Variants in CYSLTR2 observed in about 807,000 individuals in gnomAD.
CYSLTR2 encodes the protein cysteinyl leukotriene receptor 2.
For missense variants in CYSLTR2, 398 were observed against 411.9 expected (o/e 0.97, Z 0.29); for synonymous variants, 179 against 160.8 (o/e 1.11, Z -0.86).
At position 48,711,033 on chromosome 13, in the gene CYSLTR2, A is replaced by G. The variant is rs1225804400; in HGVS notation, c.*3175A>G. On this transcript the variant is annotated 3_prime_UTR_variant, in exon 5 of 5. Transcript: ENST00000682523. The stretch of plus-strand genomic sequence containing the variant: ...GAAAATGATGAATAGCTGTACAACC[A>G]TATTATTTAGCAATAGGAGGTAAAT... 6.6e-6 allele frequency: 1 copy of G among 152,120 alleles called. No individual in the cohort carries two copies. The highest frequency in any genetic ancestry group is 6.5e-5 in the Admixed American group (1 of 15,270). 9.4% of individuals were successfully genotyped at this position (152,120 alleles called of 1,614,324 possible). A position where few individuals can be genotyped will look rare whatever the true frequency, so the allele number is the denominator to read the frequency against.
intron 1 of CYSLTR2, among the ~76,000 whole-genome samples, chr13:48,670,925 C>G (rs1425120482): frequency 6.6e-6 from 1 of 152,154 alleles, no homozygotes; most frequent in East Asian, 1.9e-4. Context: ...GAATGTTCTT[C>G]CATTTGTTTG....
chr13:48,700,222 A>G (rs1428453135), intron 4 of CYSLTR2, among the ~76,000 whole-genome samples: 1 of 152,238 alleles, frequency 6.6e-6, no homozygotes, highest in Non-Finnish European at 1.5e-5. Context: ...ACAACAAAAG[A>G]GAATTTTAGA....
intron 3 of CYSLTR2, among the ~76,000 whole-genome samples, chr13:48,695,425 T>C (rs1246858693): frequency 2.7e-5 from 4 of 146,816 alleles, no homozygotes; most frequent in Non-Finnish European, 6.0e-5. Flanking sequence ...CTCTCTCTCA[T>C]AGAGATAGGG....
At chr13:48,695,067 C>CTTTTTTTTTTTTTT (rs1278951741) in intron 3 of CYSLTR2, among the ~76,000 whole-genome samples, 1 of 83,698 alleles carries the variant, frequency 1.2e-5, no homozygotes, top group African/African-American at 4.4e-5. Context: ...CAGAACCTGG[C>CTTTTTTTTTTTTTT]ATTTTTTTTT....
rs1006877456 is a variant in CYSLTR2, at chr13:48,709,685, C to A, written c.*1827C>A. 6.6e-6 allele frequency: 1 copy of A among 152,108 alleles called. No individual in the cohort carries two copies. Among genetic ancestry groups the A allele is most frequent in the African/African-American group, 2.4e-5 (1 of 41,410 alleles). The allele number at this position is 152,108 out of a possible 1,614,324, so 9.4% of individuals were successfully genotyped here. A position where few individuals can be genotyped will look rare whatever the true frequency, so the allele number is the denominator to read the frequency against. ...GGGAAAGGCCGTAACATGAAAGGCA[C>A]CAACAAATAAATGTGAGAGTAGATA... is the stretch of plus-strand genomic sequence containing the variant. On this transcript the variant is annotated 3_prime_UTR_variant, in exon 5 of 5. Transcript: ENST00000682523.
intron 2 of CYSLTR2, among the ~76,000 whole-genome samples, chr13:48,692,815 A>G (rs1203505984): frequency 1.3e-5 from 2 of 151,442 alleles, no homozygotes; most frequent in Non-Finnish European, 3.0e-5. Flanking sequence ...CAGTTTCAAT[A>G]TATAAATATA....
chr13:48,679,163 C>T (rs1953680771), intron 1 of CYSLTR2, among the ~76,000 whole-genome samples: 1 of 152,080 alleles, frequency 6.6e-6, no homozygotes, highest in Non-Finnish European at 1.5e-5. Context: ...AACTTGGGGC[C>T]TTTGTAAATC....
intron 4 of CYSLTR2, chr13:48,706,614 C>T (rs1445333322): frequency 1.9e-6 from 1 of 522,172 alleles, no homozygotes; most frequent in Non-Finnish European, 3.4e-6. Context: ...ATTCTACATT[C>T]AAAAATCAGG....
rs201860597 is a variant in CYSLTR2, at chr13:48,707,573, C to G, written c.756C>G (p.Thr252=). 15 of 1,608,980 alleles carry G rather than the reference C, an allele frequency of 9.3e-6. No homozygotes were observed. Among genetic ancestry groups the G allele is most frequent in the Non-Finnish European group, 1.2e-5 (14 of 1,180,020 alleles). The change falls in exon 5 of 5, where the codon ACC becomes ACG. Residue 252 remains threonine, a synonymous_variant. Coordinates refer to ENST00000682523, the MANE Select transcript of CYSLTR2 (RefSeq NM_001308476.3). The stretch of plus-strand genomic sequence containing the variant: ...AGGCACTGACCACCATCATCATCAC[C>G]TTGATCATCTTCTTCTTGTGTTTCC... ...HRKALTTIII[T]LIIFFLCFLP... is the part of the protein sequence containing the mutation.
intron 3 of CYSLTR2, among the ~76,000 whole-genome samples, chr13:48,694,216 G>A (rs1954108138): frequency 6.6e-6 from 1 of 152,208 alleles, no homozygotes; most frequent in African/African-American, 2.4e-5. Context: ...AGATAAGACA[G>A]AGGAAGTCCT....
chr13:48,699,784 A>G (rs1954292307), intron 4 of CYSLTR2, among the ~76,000 whole-genome samples: 1 of 152,208 alleles, frequency 6.6e-6, no homozygotes, highest in African/African-American at 2.4e-5. Flanking sequence ...AGACTAATAA[A>G]GAAGAAAAGA....
At chr13:48,675,006 C>T (rs979101275) in intron 1 of CYSLTR2, among the ~76,000 whole-genome samples, 13 of 152,132 alleles carry the variant, frequency 8.5e-5, no homozygotes, top group African/African-American at 3.1e-4. Flanking sequence ...AGCTTTGTCC[C>T]AGAGGGACAC....
intron 1 of CYSLTR2, among the ~76,000 whole-genome samples, chr13:48,659,666 G>T (rs529311977): frequency 2.0e-5 from 3 of 152,234 alleles, no homozygotes; most frequent in African/African-American, 7.2e-5. Flanking sequence ...TGATCAATCC[G>T]TAGGGATTTA....
chr13:48,687,304 G>A (rs919087465), intron 1 of CYSLTR2, among the ~76,000 whole-genome samples: 1 of 151,960 alleles, frequency 6.6e-6, no homozygotes, highest in African/African-American at 2.4e-5. Context: ...ATAACTGTGT[G>A]AGCCAATTCC....
chr13:48,688,325 G>A lies in CYSLTR2; in HGVS notation c.-265-2887G>A, dbSNP rs551912924. ...CTACATGTGCAGGTTTGTTACATAGGTATGCAAAGGCCATGGTGGTTTGCT... is the reference window on the plus strand; with the variant it reads ...CTACATGTGCAGGTTTGTTACATAGATATGCAAAGGCCATGGTGGTTTGCT... On this transcript the variant is annotated intron_variant, in intron 1 of 4. Coordinates refer to ENST00000682523, the MANE Select transcript of CYSLTR2 (RefSeq NM_001308476.3). Among the ~76,000 whole-genome samples, 37 of 152,048 alleles carry A rather than the reference G, an allele frequency of 2.4e-4. 1 individual carries two copies. The South Asian group carries it at 7.7e-3, about 32-fold the overall frequency.
At chr13:48,694,537 C>T (rs1954117296) in intron 3 of CYSLTR2, 1 of 152,218 alleles carries the variant, frequency 6.6e-6, no homozygotes, top group Non-Finnish European at 1.5e-5. Flanking sequence ...GCTGACAGTT[C>T]TCAACAAAAT....
At chr13:48,660,999 C>T (rs1593930026) in intron 1 of CYSLTR2, among the ~76,000 whole-genome samples, 1 of 152,172 alleles carries the variant, frequency 6.6e-6, no homozygotes, top group African/African-American at 2.4e-5. Context: ...CTGGTCCAGG[C>T]CCTGACCTAA....
intron 1 of CYSLTR2, among the ~76,000 whole-genome samples, chr13:48,673,433 CTTTTTTTTT>C (rs61699943): frequency 0.012 from 568 of 48,412 alleles, 5 homozygotes; most frequent in African/African-American, 0.041. Flanking sequence ...GTAACCCCGG[CTTTTTTTTT>C]TTTTTTTTTT....
intron 1 of CYSLTR2, among the ~76,000 whole-genome samples, chr13:48,670,029 T>C (rs1953379592): frequency 6.6e-6 from 1 of 152,252 alleles, no homozygotes; most frequent in Non-Finnish European, 1.5e-5. Flanking sequence ...TAATGACCAG[T>C]GATGATGAGC....
Sources: allele counts gnomAD v4.1 joint callset (sites outside exome capture counted in the v4.1 genomes callset), GRCh38; gene constraint gnomAD v4.1.1; transcripts MANE v1.5; gene names NCBI Gene and HGNC (gene_info 2026-07-23, HGNC 2026-07-21).